FBLN7: variants seen among roughly 807,000 people sequenced by gnomAD.
The protein encoded by FBLN7 is fibulin 7.
FBLN7 carries 31 observed loss-of-function variants against 44.0 expected under a neutral mutation model. The ratio of observed to expected loss-of-function variants is 0.70; its 90% CI spans 0.53 to 0.95. The LOEUF is 0.95. Ranked by LOEUF, FBLN7 falls within the 40% of genes least tolerant of loss-of-function variation. The pLI is 0.00. For synonymous variants in FBLN7, 262 were observed against 253.4 expected, an observed-to-expected ratio of 1.03 and a Z score of -0.32; for missense variants, 573 against 618.5, an observed-to-expected ratio of 0.93 and a Z score of 0.78.
At chr2:112,141,010 A>T (rs1197370891) in intron 1 of FBLN7, among the ~76,000 whole-genome samples, 4 of 152,226 alleles carry the variant, frequency 2.6e-5, no homozygotes, top group Non-Finnish European at 4.4e-5. Flanking sequence ...CGAGAACTTG[A>T]ATTGCCGAGT....
chr2:112,238,068 T>C, the FBLN7 span, among the ~76,000 whole-genome samples: 7 of 152,158 alleles, frequency 4.6e-5, no homozygotes, highest in African/African-American at 1.7e-4. Context: ...CCTTTAGAAA[T>C]AGTCAGGGCC....
chr2:112,171,174 G>A (rs2104584422), intron 3 of FBLN7, among the ~76,000 whole-genome samples: 1 of 152,314 alleles, frequency 6.6e-6, no homozygotes, highest in Non-Finnish European at 1.5e-5. Flanking sequence ...TGGAGCTCAA[G>A]GCAGCAGAAG....
At chr2:112,234,895 T>C in the FBLN7 span, among the ~76,000 whole-genome samples, 7 of 152,040 alleles carry the variant, frequency 4.6e-5, no homozygotes, top group Non-Finnish European at 8.8e-5. Flanking sequence ...AGAGACAAAG[T>C]TGGAAATCAG....
intron 1 of FBLN7, among the ~76,000 whole-genome samples, chr2:112,140,726 C>T (rs146013210): frequency 6.6e-6 from 1 of 152,258 alleles, no homozygotes; most frequent in Admixed American, 6.5e-5. Flanking sequence ...AATTTCCAAC[C>T]GAAGTATCAG....
At chr2:112,204,508 A>G in the FBLN7 span, among the ~76,000 whole-genome samples, 1 of 152,120 alleles carries the variant, frequency 6.6e-6, no homozygotes, top group Non-Finnish European at 1.5e-5. Context: ...CCACACTTAG[A>G]CCCATCATGG....
chr2:112,141,072 G>A (rs1043037799), intron 1 of FBLN7, among the ~76,000 whole-genome samples: 1 of 152,190 alleles, frequency 6.6e-6, no homozygotes, highest in Non-Finnish European at 1.5e-5. Context: ...TGAGGGGCCC[G>A]GCCATGGACT....
At chr2:112,178,604 C>CA (rs1682843785) in intron 4 of FBLN7, among the ~76,000 whole-genome samples, 1 of 152,112 alleles carries the variant, frequency 6.6e-6, no homozygotes, top group Non-Finnish European at 1.5e-5. Flanking sequence ...AAATCCTCAA[C>CA]AAAATACTTG....
chr2:112,226,415 C>T, the FBLN7 span, among the ~76,000 whole-genome samples: 2 of 151,434 alleles, frequency 1.3e-5, no homozygotes, highest in African/African-American at 4.9e-5. Context: ...GGTGAAACCC[C>T]GTCTCTACTA....
At chr2:112,169,158 G>T (rs1261745491) in intron 3 of FBLN7, among the ~76,000 whole-genome samples, 1 of 152,166 alleles carries the variant, frequency 6.6e-6, no homozygotes, top group East Asian at 1.9e-4. Flanking sequence ...TGTAATCCCA[G>T]CTACTCAGGA....
downstream of FBLN7, chr2:112,189,642 AC>A (rs1683419841): frequency 6.6e-6 from 1 of 152,332 alleles, no homozygotes. Context: ...GGGCTTTAAG[AC>A]TTTTTATCAT....
At chr2:112,197,162 A>C in the FBLN7 span, among the ~76,000 whole-genome samples, 1 of 151,316 alleles carries the variant, frequency 6.6e-6, no homozygotes, top group African/African-American at 2.4e-5. Context: ...GATGTTATTT[A>C]GTAATAATGT....
Position 112,187,690 on chromosome 2 carries a change from C to A in FBLN7, c.*184C>A. 2.9e-6 allele frequency: 2 copies of A among 690,214 alleles called. No homozygotes were observed. Among genetic ancestry groups the A allele is most frequent in the Non-Finnish European group, 4.7e-6 (2 of 422,382 alleles). 42.8% of individuals were successfully genotyped at this position (690,214 alleles called of 1,614,324 possible). On this transcript the variant is annotated 3_prime_UTR_variant, in exon 8 of 8. Transcript: ENST00000331203. The surrounding 1 kb of genome is among the most constrained non-coding windows in gnomAD (Gnocchi z 5.1). ...AGCACGGAAGAGCAGCCACAAAACT[C>A]AACTGCTGCCATCACTCTTTTTTTT...
At chr2:112,221,993 G>C in the FBLN7 span, among the ~76,000 whole-genome samples, 2 of 152,142 alleles carry the variant, frequency 1.3e-5, no homozygotes, top group African/African-American at 2.4e-5. Context: ...TATATCGGCT[G>C]ATGTTCTTCA....
At chr2:112,147,983 G>A (rs114940202) in intron 1 of FBLN7, among the ~76,000 whole-genome samples, 1,745 of 152,122 alleles carry the variant, frequency 0.011, 30 homozygotes, top group African/African-American at 0.039. Context: ...GCTGACCCGC[G>A]CTCTCTCCGA....
At chr2:112,211,894 T>G in the FBLN7 span, 1 of 152,206 alleles carries the variant, frequency 6.6e-6, no homozygotes, top group Non-Finnish European at 1.5e-5. Flanking sequence ...TCCAAACATA[T>G]ACATTCTCCC....
chr2:112,200,971 A>T, the FBLN7 span, among the ~76,000 whole-genome samples: 1 of 152,256 alleles, frequency 6.6e-6, no homozygotes, highest in Non-Finnish European at 1.5e-5. Context: ...AGTGCCTTTT[A>T]TGTGCTTGAT....
chr2:112,162,754 A>C lies in FBLN7; in HGVS notation c.236-2247A>C, dbSNP rs80138345. 2.0e-5 allele frequency among the ~76,000 whole-genome samples: 3 copies of C among 152,262 alleles called. No homozygotes were observed. The South Asian group carries it at 6.2e-4, about 32-fold the overall frequency. On this transcript the variant is annotated intron_variant, in intron 2 of 7. Coordinates refer to ENST00000331203, the MANE Select transcript of FBLN7 (RefSeq NM_153214.3). ...CTCCATTCACATTTATTAAGCATCT[A>C]TTAAGTGCCAGATACTGTTCAATCT...
chr2:112,181,961 C>A, intron 5 of FBLN7, 85 bp downstream of exon 5: 2 of 1,447,040 alleles, frequency 1.4e-6, no homozygotes, highest in Non-Finnish European at 1.8e-6. Context: ...CGCCCTCCTG[C>A]CGGCACGGGT....
intron 3 of FBLN7, among the ~76,000 whole-genome samples, chr2:112,170,532 TG>T (rs1682404567): frequency 1.1e-5 from 1 of 93,306 alleles, no homozygotes; most frequent in East Asian, 2.8e-4. Context: ...GTCTCGAAAG[TG>T]AAAAAAAAAA....
Sources: gnomAD v4.1 joint callset for allele counts (sites outside exome capture counted in the v4.1 genomes callset) on GRCh38, gnomAD v4.1.1 for gene constraint, Gnocchi (gnomAD v3.1) non-coding constraint, MANE v1.5 for transcripts, NCBI Gene and HGNC (gene_info 2026-07-23, HGNC 2026-07-21) for gene names.